Variants in MSI2 observed in about 807,000 individuals in gnomAD.
The protein encoded by MSI2 is RNA-binding protein Musashi homolog 2.
Under a neutral mutation model 45.6 loss-of-function variants are expected in MSI2, and 17 were observed. That is an observed-to-expected ratio of 0.37 (90% CI 0.26 to 0.56). The LOEUF (loss-of-function observed/expected upper bound fraction) is 0.56, where lower values mean the gene tolerates loss of function less well. Among genes scored for constraint, MSI2 ranks in the 20% least tolerant of loss-of-function variants. The pLI is 0.77. For missense variants in MSI2, 293 were observed against 444.2 expected, an observed-to-expected ratio of 0.66 and a Z score of 3.06; for synonymous variants, 156 against 158.2, an observed-to-expected ratio of 0.99 and a Z score of 0.11.
At chr17:57,340,286 C>T (rs1468385020) in intron 5 of MSI2, among the ~76,000 whole-genome samples, 1 of 152,210 alleles carries the variant, frequency 6.6e-6, no homozygotes, top group Non-Finnish European at 1.5e-5. Context: ...CCAGCCACTA[C>T]ACTGCACTGC....
At chr17:57,398,220 C>T (rs1009530130) in intron 5 of MSI2, among the ~76,000 whole-genome samples, 1 of 152,150 alleles carries the variant, frequency 6.6e-6, no homozygotes, top group Non-Finnish European at 1.5e-5. Flanking sequence ...TTCTCTGGGA[C>T]CACATGAACG....
At chr17:57,580,066 A>AG (rs1328242368) in intron 7 of MSI2, among the ~76,000 whole-genome samples, 1 of 151,738 alleles carries the variant, frequency 6.6e-6, no homozygotes, top group African/African-American at 2.4e-5. Context: ...AGAATGTTCC[A>AG]GAAAAAAAAA....
intron 6 of MSI2, among the ~76,000 whole-genome samples, chr17:57,468,765 T>C (rs1407471125): frequency 6.6e-6 from 1 of 152,050 alleles, no homozygotes; most frequent in Non-Finnish European, 1.5e-5. Context: ...CGCGGGTCTC[T>C]TGGGCCTCAT....
At chr17:57,699,148 GGAGAGA>G in the MSI2 span, among the ~76,000 whole-genome samples, 22 of 21,164 alleles carry the variant, frequency 1.0e-3, 2 homozygotes, top group East Asian at 2.8e-3. Flanking sequence ...GAAGAGGCGA[GGAGAGA>G]GAGAGAGAGA....
intron 7 of MSI2, among the ~76,000 whole-genome samples, chr17:57,548,268 C>A (rs2144166747): frequency 6.6e-6 from 1 of 152,196 alleles, no homozygotes; most frequent in East Asian, 1.9e-4. Context: ...CCTTTGTATC[C>A]CTGTCCATGC....
intron 5 of MSI2, among the ~76,000 whole-genome samples, chr17:57,315,622 G>A (rs1453352800): frequency 6.6e-6 from 1 of 152,090 alleles, no homozygotes; most frequent in Non-Finnish European, 1.5e-5. Flanking sequence ...AAAGCCCACT[G>A]GTGGTAAAGG....
chr17:57,521,891 C>T (rs1042425827), intron 6 of MSI2, among the ~76,000 whole-genome samples: 2 of 152,216 alleles, frequency 1.3e-5, no homozygotes, highest in Non-Finnish European at 2.9e-5. Context: ...CAGTCTGCTC[C>T]TTCTTCTCCG....
Position 57,681,166 on chromosome 17 carries a change from T to C in MSI2, c.*1649T>C, listed in dbSNP as rs1488842373. 5.4e-6 allele frequency: 1 copy of C among 185,736 alleles called. No homozygotes were observed. The highest frequency in any genetic ancestry group is 1.1e-5 in the Non-Finnish European group (1 of 87,836). 11.5% of individuals were successfully genotyped at this position (185,736 alleles called of 1,614,324 possible). A position where few individuals can be genotyped will look rare whatever the true frequency, so the allele number is the denominator to read the frequency against. ...AAACTGACAGTTTCCTCTTTGCACA[T>C]GTTTAACATTTGGCTGTTATAATAT... On this transcript the variant is annotated 3_prime_UTR_variant, in exon 14 of 14. Transcript: ENST00000284073.
the MSI2 span, among the ~76,000 whole-genome samples, chr17:57,692,248 T>A: frequency 2.6e-5 from 4 of 152,226 alleles, no homozygotes; most frequent in Non-Finnish European, 5.9e-5. Context: ...AGATTCTGTT[T>A]GCTAATATGT....
intron 6 of MSI2, among the ~76,000 whole-genome samples, chr17:57,485,570 C>G (rs529731257): frequency 3.3e-5 from 5 of 152,258 alleles, no homozygotes; most frequent in Admixed American, 2.6e-4. Context: ...AGAAAGGGCC[C>G]GTGATTCAAC....
chr17:57,306,944 G>C (rs777325479), intron 5 of MSI2, among the ~76,000 whole-genome samples: 1 of 152,080 alleles, frequency 6.6e-6, no homozygotes, highest in South Asian at 2.1e-4. Context: ...GTAATTATTT[G>C]GTGTTCAGAA....
At position 57,537,855 on chromosome 17, in the gene MSI2, C is replaced by T. The variant is rs572715329; in HGVS notation, c.454+8131C>T. 2.6e-4 allele frequency among the ~76,000 whole-genome samples: 40 copies of T among 152,238 alleles called. No individual in the cohort carries two copies. The South Asian group carries it at 7.9e-3, about 30-fold the overall frequency. ...TTGCAAAGCCAGGGGGAGTTTGGTACCCAGGATGAGCTGCACTTTTTTAGC... is the reference window on the plus strand; with the variant it reads ...TTGCAAAGCCAGGGGGAGTTTGGTATCCAGGATGAGCTGCACTTTTTTAGC... On this transcript the variant is annotated intron_variant, in intron 7 of 13. Transcript: ENST00000284073.
intron 6 of MSI2, among the ~76,000 whole-genome samples, chr17:57,429,252 C>G (rs930217119): frequency 6.6e-6 from 1 of 152,120 alleles, no homozygotes; most frequent in African/African-American, 2.4e-5. Context: ...CACTATTGCT[C>G]TAAGGTGTCT....
intron 6 of MSI2, among the ~76,000 whole-genome samples, chr17:57,463,180 G>A (rs1278201179): frequency 6.6e-6 from 1 of 152,214 alleles, no homozygotes; most frequent in African/African-American, 2.4e-5. Context: ...GTTTGCCAAG[G>A]GTGGCTTGTT....
the MSI2 span, among the ~76,000 whole-genome samples, chr17:57,697,250 G>A: frequency 1.6e-4 from 24 of 150,770 alleles, no homozygotes; most frequent in Non-Finnish European, 3.1e-4. Context: ...TGCCCTCACA[G>A]TCTCACACAC....
intron 5 of MSI2, among the ~76,000 whole-genome samples, chr17:57,356,581 A>G (rs1333503259): frequency 6.6e-6 from 1 of 152,184 alleles, no homozygotes; most frequent in Non-Finnish European, 1.5e-5. Flanking sequence ...CTTGGTTCCT[A>G]GTTTCCTAAT....
chr17:57,375,824 C>T (rs1471585758), intron 5 of MSI2, among the ~76,000 whole-genome samples: 2 of 152,098 alleles, frequency 1.3e-5, no homozygotes, highest in Non-Finnish European at 2.9e-5. Flanking sequence ...CCCCTGCCCC[C>T]ATCCTTCTCC....
chr17:57,531,832 G>A (rs762092794), intron 7 of MSI2: 2 of 152,198 alleles, frequency 1.3e-5, no homozygotes, highest in Non-Finnish European at 2.9e-5. Context: ...CCCAGAGGAT[G>A]TGCCGGGAAA....
chr17:57,329,375 C>T (rs975758280), intron 5 of MSI2, among the ~76,000 whole-genome samples: 1 of 152,254 alleles, frequency 6.6e-6, no homozygotes, highest in Non-Finnish European at 1.5e-5. Flanking sequence ...AGAGTGTGTT[C>T]TGTCCTTTAA....
Sources: gnomAD v4.1 joint callset for allele counts (sites outside exome capture counted in the v4.1 genomes callset) on GRCh38, gnomAD v4.1.1 for gene constraint, MANE v1.5 for transcripts, NCBI Gene and HGNC (gene_info 2026-07-23, HGNC 2026-07-21) for gene names.